Variants in PLAG1 observed in about 807,000 individuals in gnomAD.
The protein encoded by PLAG1 is PLAG1 zinc finger.
PLAG1 carries 7 observed loss-of-function variants against 35.5 expected under a neutral mutation model. The ratio of observed to expected loss-of-function variants is 0.20; its 90% confidence interval spans 0.11 to 0.37. PLAG1 has a LOEUF of 0.37. PLAG1 is among the 10% of genes least tolerant of loss of function. PLAG1 has a pLI of 1.00. For missense variants in PLAG1, 454 were observed against 602.8 expected, an observed-to-expected ratio of 0.75 and a Z score of 2.58; for synonymous variants, 229 against 225.4, an observed-to-expected ratio of 1.02 and a Z score of -0.14.
intron 1 of PLAG1, among the ~76,000 whole-genome samples, chr8:56,195,439 A>C (rs1812330622): frequency 1.3e-5 from 2 of 152,178 alleles, no homozygotes; most frequent in South Asian, 4.1e-4. Flanking sequence ...GTCACTTCCC[A>C]GTTCACGGGG....
chr8:56,182,678 T>C (rs959879046), intron 1 of PLAG1, among the ~76,000 whole-genome samples: 1 of 152,126 alleles, frequency 6.6e-6, no homozygotes, highest in Admixed American at 6.5e-5. Context: ...GCAAATGATA[T>C]TCAACAAGAG....
At chr8:56,172,060 T>G (rs913433706) in intron 2 of PLAG1, among the ~76,000 whole-genome samples, 6 of 152,172 alleles carry the variant, frequency 3.9e-5, no homozygotes, top group Non-Finnish European at 7.4e-5. Context: ...ATTTTAAAGA[T>G]GAACATTCAG....
At chr8:56,205,802 A>T (rs1199722756) in intron 1 of PLAG1, among the ~76,000 whole-genome samples, 1 of 151,934 alleles carries the variant, frequency 6.6e-6, no homozygotes, top group African/African-American at 2.4e-5. Flanking sequence ...AAATGTAAGG[A>T]AATATTTTAA....
At chr8:56,179,999 G>C (rs1042000955) in intron 1 of PLAG1, among the ~76,000 whole-genome samples, 7 of 152,112 alleles carry the variant, frequency 4.6e-5, no homozygotes, top group African/African-American at 1.4e-4. Flanking sequence ...AGCAGAGGCA[G>C]AATAAGGAGC....
chr8:56,196,085 T>G (rs940997965), intron 1 of PLAG1, among the ~76,000 whole-genome samples: 1 of 152,042 alleles, frequency 6.6e-6, no homozygotes, highest in Admixed American at 6.5e-5. Context: ...GCCAGAAAGG[T>G]GCTGTCTAGG....
At chr8:56,174,347 G>A (rs915540883) in intron 2 of PLAG1, among the ~76,000 whole-genome samples, 6 of 152,196 alleles carry the variant, frequency 3.9e-5, no homozygotes, top group African/African-American at 1.4e-4. Flanking sequence ...AGTCAGTTTT[G>A]AAGTAAGGGC....
At chr8:56,193,844 C>T (rs748534004) in intron 1 of PLAG1, among the ~76,000 whole-genome samples, 8 of 151,998 alleles carry the variant, frequency 5.3e-5, no homozygotes, top group African/African-American at 1.2e-4. Context: ...ACCTGCTATT[C>T]GGTAGCAGGT....
At chr8:56,178,529 ATGT>A (rs1484250115) in intron 2 of PLAG1, among the ~76,000 whole-genome samples, 6 of 152,154 alleles carry the variant, frequency 3.9e-5, no homozygotes, top group African/African-American at 1.4e-4. Context: ...AACCCATAGA[ATGT>A]TGTTCTTATA....
chr8:56,197,933 C>T (rs1389987025), intron 1 of PLAG1, among the ~76,000 whole-genome samples: 5 of 152,272 alleles, frequency 3.3e-5, no homozygotes, highest in Admixed American at 3.3e-4. Context: ...CTTCTCTCTC[C>T]CAACCTTGCT....
chr8:56,163,562 G>A lies in PLAG1; in HGVS notation c.*2681C>T, dbSNP rs1811268566. On this transcript the variant is annotated 3_prime_UTR_variant, in exon 5 of 5. Transcript: ENST00000316981. Reference sequence around the variant, plus strand: ...GTCTGGGGGTGGGAACAGGCAAAGAGGTGTACACATGAAAATTAAGACTCC... The same window carrying A: ...GTCTGGGGGTGGGAACAGGCAAAGAAGTGTACACATGAAAATTAAGACTCC... 1 of 199,518 alleles carries A rather than the reference G, an allele frequency of 5.0e-6. No individual in the cohort carries two copies. Among genetic ancestry groups the A allele is most frequent in the African/African-American group, 2.3e-5 (1 of 43,234 alleles). 12.4% of individuals were successfully genotyped at this position (199,518 alleles called of 1,614,324 possible).
At chr8:56,176,145 G>A (rs1199722881) in intron 2 of PLAG1, among the ~76,000 whole-genome samples, 2 of 150,978 alleles carry the variant, frequency 1.3e-5, no homozygotes, top group African/African-American at 4.9e-5. Context: ...CAACTCCCAG[G>A]TGTAAGCGAT....
chr8:56,169,962 CTACCAAGT>C (rs1811471430), intron 3 of PLAG1, among the ~76,000 whole-genome samples: 1 of 152,228 alleles, frequency 6.6e-6, no homozygotes, highest in South Asian at 2.1e-4. Flanking sequence ...TCCCAAGCTA[CTACCAAGT>C]TACTATTAGA....
intron 1 of PLAG1, among the ~76,000 whole-genome samples, chr8:56,203,800 TA>T (rs1379621394): frequency 3.9e-5 from 6 of 151,988 alleles, no homozygotes; most frequent in African/African-American, 1.4e-4. Flanking sequence ...AAACATCAAG[TA>T]AAATGCTACC....
intron 1 of PLAG1, among the ~76,000 whole-genome samples, chr8:56,188,319 A>C (rs1003445038): frequency 1.3e-5 from 2 of 152,226 alleles, no homozygotes; most frequent in Non-Finnish European, 2.9e-5. Flanking sequence ...AAAAAAAATG[A>C]ATACTCAACT....
At position 56,196,462 on chromosome 8, in the gene PLAG1, C is replaced by T. The variant is rs539193972; in HGVS notation, c.-322+14659G>A. Among the ~76,000 whole-genome samples the T allele has an allele frequency of 2.6e-5, 4 of 152,214 alleles. No individual in the cohort carries two copies. In the East Asian group the frequency reaches 5.8e-4, roughly 22 times the overall value. On this transcript the variant is annotated intron_variant, in intron 1 of 4. Coordinates refer to ENST00000316981, the MANE Select transcript of PLAG1 (RefSeq NM_002655.3). ...AAAGGAACTTGGTGTGACCTTCTGT[C>T]TGGATATGGGTGACCTGAGGAGGAT...
intron 3 of PLAG1, among the ~76,000 whole-genome samples, chr8:56,169,927 A>T (rs900111120): frequency 6.6e-6 from 1 of 152,324 alleles, no homozygotes; most frequent in East Asian, 1.9e-4. Flanking sequence ...GTGTTTTGGC[A>T]CCAGACTGAC....
Position 56,165,461 on chromosome 8 carries a change from CACTATT to C in PLAG1, c.*776_*781del, listed in dbSNP as rs1412907588. The C allele has an allele frequency of 2.8e-5, 6 of 214,924 alleles. No individual in the cohort carries two copies. Among genetic ancestry groups the C allele is most frequent in the African/African-American group, 6.8e-5 (3 of 44,282 alleles). The allele number at this position is 214,924 out of a possible 1,614,324, so 13.3% of individuals were successfully genotyped here. ...CGACTCTGAAGACCCCAATGCCATA[CACTATT>C]ACTATTATTAAATGAAAAGATAGCA... On this transcript the variant is annotated 3_prime_UTR_variant, in exon 5 of 5. Coordinates refer to ENST00000316981, the MANE Select transcript of PLAG1 (RefSeq NM_002655.3).
At chr8:56,177,006 A>C (rs1189918811) in intron 2 of PLAG1, among the ~76,000 whole-genome samples, 1 of 152,206 alleles carries the variant, frequency 6.6e-6, no homozygotes, top group Non-Finnish European at 1.5e-5. Flanking sequence ...CTATAAATTC[A>C]AACAAAAAGG....
intron 1 of PLAG1, among the ~76,000 whole-genome samples, chr8:56,196,086 G>A (rs1352676175): frequency 6.6e-6 from 1 of 152,230 alleles, no homozygotes; most frequent in Non-Finnish European, 1.5e-5. Flanking sequence ...CCAGAAAGGT[G>A]CTGTCTAGGG....
Sources: gnomAD v4.1 joint callset for allele counts (sites outside exome capture counted in the v4.1 genomes callset) on GRCh38, gnomAD v4.1.1 for gene constraint, MANE v1.5 for transcripts, NCBI Gene and HGNC (gene_info 2026-07-23, HGNC 2026-07-21) for gene names.